GRM5: variants seen among roughly 807,000 people sequenced by gnomAD.
GRM5 encodes metabotropic glutamate receptor 5.
In GRM5, 19 loss-of-function variants were observed where a neutral mutation model predicts 83.1. The ratio of observed to expected loss-of-function variants is 0.23; its 90% CI spans 0.16 to 0.34. The LOEUF is 0.34. Ranked by LOEUF, GRM5 falls within the 10% of genes least tolerant of loss-of-function variation. The pLI is 1.00. For missense variants in GRM5, 1,160 were observed against 1,588.3 expected (o/e 0.73, Z 4.58); for synonymous variants, 675 against 633.6 (o/e 1.07, Z -0.98).
At chr11:89,050,828 A>T (rs1208568781) in intron 1 of GRM5, among the ~76,000 whole-genome samples, 1 of 152,180 alleles carries the variant, frequency 6.6e-6, no homozygotes, top group Non-Finnish European at 1.5e-5. Flanking sequence ...GCTGGAGGCC[A>T]TTAACCTTAG....
At chr11:88,851,147 T>C (rs1415344042) in intron 2 of GRM5, among the ~76,000 whole-genome samples, 1 of 138,378 alleles carries the variant, frequency 7.2e-6, no homozygotes, top group Non-Finnish European at 1.6e-5. Context: ...AGAATTCTAA[T>C]TACATCCGCA....
intron 3 of GRM5, among the ~76,000 whole-genome samples, chr11:88,811,532 G>A (rs1366677061): frequency 6.6e-6 from 1 of 152,060 alleles, no homozygotes; most frequent in Non-Finnish European, 1.5e-5. Flanking sequence ...TAGAAGTAGA[G>A]AAGAACATTT....
At chr11:88,704,921 T>G (rs1499035) in intron 3 of GRM5, among the ~76,000 whole-genome samples, 120,045 of 151,922 alleles carry the variant, frequency 0.79, 51,027 homozygotes, top group Non-Finnish European at 0.96. Context: ...CTTCATATTG[T>G]TTGCATAAAC....
At position 88,722,960 on chromosome 11, in the gene GRM5, T is replaced by C. The variant is rs144807287; in HGVS notation, c.912-69557A>G. ...TTATAATGACATGTATCCACCATTA[T>C]AGCCTCATACACAATAAAATTTCAG... On this transcript the variant is annotated intron_variant, in intron 3 of 9. Coordinates refer to ENST00000305447, the MANE Select transcript of GRM5 (RefSeq NM_001143831.3). 5.7e-3 allele frequency among the ~76,000 whole-genome samples: 792 copies of C among 138,446 alleles called. 6 individuals are homozygous for C. Among genetic ancestry groups the C allele is most frequent in the African/African-American group, 0.022 (760 of 34,012 alleles). 90.8% of individuals were successfully genotyped at this position (138,446 alleles called of 152,430 possible). A position where few individuals can be genotyped will look rare whatever the true frequency, so the allele number is the denominator to read the frequency against.
At chr11:89,018,485 T>C (rs1427886113) in intron 2 of GRM5, among the ~76,000 whole-genome samples, 1 of 152,228 alleles carries the variant, frequency 6.6e-6, no homozygotes, top group Non-Finnish European at 1.5e-5. Flanking sequence ...AATGCATTTA[T>C]TTGTTCTAAC....
intron 2 of GRM5, among the ~76,000 whole-genome samples, chr11:88,941,454 G>GAA (rs1938089837): frequency 2.3e-5 from 1 of 42,576 alleles, no homozygotes; most frequent in Non-Finnish European, 7.6e-5. Context: ...GAAGAGGGGA[G>GAA]AAGAGAAGAG....
chr11:88,931,508 G>T (rs1937705203), intron 2 of GRM5, among the ~76,000 whole-genome samples: 1 of 151,728 alleles, frequency 6.6e-6, no homozygotes, highest in African/African-American at 2.4e-5. Context: ...CTTTGATCTG[G>T]GTCCCATTGA....
chr11:88,602,660 T>TCAA (rs1565356381), intron 5 of GRM5, among the ~76,000 whole-genome samples: 3 of 152,188 alleles, frequency 2.0e-5, no homozygotes, highest in Non-Finnish European at 4.4e-5. Flanking sequence ...TGATTAATTG[T>TCAA]CAGGCTGTTG....
At chr11:88,802,661 C>T (rs1943420095) in intron 3 of GRM5, among the ~76,000 whole-genome samples, 1 of 151,954 alleles carries the variant, frequency 6.6e-6, no homozygotes, top group South Asian at 2.1e-4. Flanking sequence ...TCCTATTCAA[C>T]ATAGTGTTGG....
At position 89,038,151 on chromosome 11, in the gene GRM5, T is replaced by TTGTGTG. The variant is rs35505173; in HGVS notation, c.661+9055_661+9060dup. On this transcript the variant is annotated intron_variant, in intron 2 of 9. Transcript: ENST00000305447. ...GATAATCTCTTTCTTTAGAATCTCATTGTGTGTGTGTGTGTGTGTGTGTGT... is the reference window on the plus strand; with the variant it reads ...GATAATCTCTTTCTTTAGAATCTCATTGTGTGTGTGTGTGTGTGTGTGTGTGTGTGT... 9.8e-3 allele frequency among the ~76,000 whole-genome samples: 1,413 copies of TTGTGTG among 144,672 alleles called. 21 individuals carry two copies. Among genetic ancestry groups the TTGTGTG allele is most frequent in the African/African-American group, 0.033 (1,293 of 38,828 alleles). The allele number at this position is 144,672 out of a possible 152,430, so 94.9% of individuals were successfully genotyped here.
chr11:88,873,996 T>C (rs747294730), intron 2 of GRM5, among the ~76,000 whole-genome samples: 1 of 151,736 alleles, frequency 6.6e-6, no homozygotes, highest in Admixed American at 6.6e-5. Context: ...TTTATGGATA[T>C]GTACAACCTA....
At chr11:88,820,397 A>C (rs1045374698) in intron 3 of GRM5, among the ~76,000 whole-genome samples, 4 of 146,078 alleles carry the variant, frequency 2.7e-5, no homozygotes, top group African/African-American at 7.6e-5. Context: ...AAAAAAAGCC[A>C]ATATAATCAG....
intron 3 of GRM5, among the ~76,000 whole-genome samples, chr11:88,788,764 A>C (rs1943119076): frequency 6.6e-6 from 1 of 152,200 alleles, no homozygotes; most frequent in Admixed American, 6.6e-5. Flanking sequence ...TTGCTAGGGA[A>C]ACTAGAAAGG....
At chr11:88,808,628 T>G (rs926503097) in intron 3 of GRM5, among the ~76,000 whole-genome samples, 1 of 151,970 alleles carries the variant, frequency 6.6e-6, no homozygotes, top group Non-Finnish European at 1.5e-5. Flanking sequence ...GACCATAACA[T>G]ATGACACTTC....
intron 3 of GRM5, among the ~76,000 whole-genome samples, chr11:88,659,185 G>A (rs2135314911): frequency 6.6e-6 from 1 of 152,250 alleles, no homozygotes; most frequent in South Asian, 2.1e-4. Flanking sequence ...ATGATTCGTG[G>A]GAGGAGAATA....
intron 2 of GRM5, among the ~76,000 whole-genome samples, chr11:88,959,092 A>G (rs1384298949): frequency 2.0e-5 from 3 of 152,142 alleles, no homozygotes; most frequent in Non-Finnish European, 4.4e-5. Flanking sequence ...GCATTTTAAT[A>G]CTATATAAAA....
intron 3 of GRM5, among the ~76,000 whole-genome samples, chr11:88,728,519 T>C (rs1941733301): frequency 6.6e-6 from 1 of 152,180 alleles, no homozygotes; most frequent in Admixed American, 6.5e-5. Flanking sequence ...CCCTAACTCA[T>C]TTTATGTGGC....
At chr11:88,647,785 A>G (rs796102119) in intron 4 of GRM5, among the ~76,000 whole-genome samples, 6 of 152,186 alleles carry the variant, frequency 3.9e-5, no homozygotes, top group Non-Finnish European at 5.9e-5. Flanking sequence ...AGAATCTACA[A>G]TGAACTCAAA....
intron 3 of GRM5, among the ~76,000 whole-genome samples, chr11:88,798,720 T>C (rs1438709639): frequency 1.3e-5 from 2 of 150,122 alleles, no homozygotes; most frequent in East Asian, 3.9e-4. Flanking sequence ...GATAGGAGCA[T>C]TTGAGAGAAA....
Sources: allele counts gnomAD v4.1 joint callset (sites outside exome capture counted in the v4.1 genomes callset), GRCh38; gene constraint gnomAD v4.1.1; transcripts MANE v1.5; gene names NCBI Gene and HGNC (gene_info 2026-07-23, HGNC 2026-07-21).